Variants in SUPT3H observed in about 807,000 individuals in gnomAD.
SUPT3H encodes transcription initiation protein SPT3 homolog.
In SUPT3H, 44 loss-of-function variants were observed where a neutral mutation model predicts 44.3. The ratio of observed to expected loss-of-function variants is 0.99; its 90% CI spans 0.78 to 1.28. SUPT3H has a LOEUF of 1.28. Among genes scored for constraint, SUPT3H ranks in the 50% most tolerant of loss-of-function variants. The pLI is 0.00. For synonymous variants in SUPT3H, 124 were observed against 125.6 expected, an observed-to-expected ratio of 0.99 and a Z score of 0.09; for missense variants, 380 against 387.1, an observed-to-expected ratio of 0.98 and a Z score of 0.15.
intron 10 of SUPT3H, among the ~76,000 whole-genome samples, chr6:44,900,219 C>T (rs1473112929): frequency 6.6e-6 from 1 of 152,208 alleles, no homozygotes; most frequent in Non-Finnish European, 1.5e-5. Flanking sequence ...TGAAGTAGGG[C>T]AAGGCATTGC....
intron 6 of SUPT3H, among the ~76,000 whole-genome samples, chr6:44,962,107 C>T (rs1478876408): frequency 6.6e-6 from 1 of 152,092 alleles, no homozygotes; most frequent in Non-Finnish European, 1.5e-5. Context: ...TTGTATCATC[C>T]TTTTAAAGAA....
chr6:45,297,017 A>G (rs1437804101), intron 2 of SUPT3H, among the ~76,000 whole-genome samples: 1 of 151,508 alleles, frequency 6.6e-6, no homozygotes, highest in Admixed American at 6.6e-5. Context: ...AATCACCACT[A>G]AAGAACTTAT....
intron 10 of SUPT3H, among the ~76,000 whole-genome samples, chr6:44,895,838 C>G (rs144351457): frequency 3.3e-5 from 5 of 152,082 alleles, no homozygotes; most frequent in African/African-American, 1.2e-4. Flanking sequence ...GAAGTTCATT[C>G]TCTTTATCCA....
chr6:45,035,798 C>T (rs1457502337), intron 3 of SUPT3H, among the ~76,000 whole-genome samples: 1 of 150,664 alleles, frequency 6.6e-6, no homozygotes, highest in Admixed American at 6.6e-5. Flanking sequence ...ACACTTGAGT[C>T]TAGTATATTA....
chr6:45,017,137 T>C (rs372824951), intron 4 of SUPT3H, among the ~76,000 whole-genome samples: 2,173 of 152,122 alleles, frequency 0.014, 27 homozygotes, highest in Non-Finnish European at 0.022. Context: ...GCTGCATAAA[T>C]GTCTTCTTTT....
At chr6:44,992,819 C>T (rs1780773169) in intron 6 of SUPT3H, among the ~76,000 whole-genome samples, 1 of 152,044 alleles carries the variant, frequency 6.6e-6, no homozygotes, top group African/African-American at 2.4e-5. Context: ...AATTTCTCTA[C>T]AGCAAAGCAA....
intron 3 of SUPT3H, among the ~76,000 whole-genome samples, chr6:45,031,109 C>T (rs1436754708): frequency 6.6e-6 from 1 of 152,122 alleles, no homozygotes; most frequent in Admixed American, 6.6e-5. Flanking sequence ...AGTGAGGTAA[C>T]ATCATGCAGC....
At chr6:45,204,250 A>AAAGAGGAAGAAG (rs1762861900) in intron 2 of SUPT3H, among the ~76,000 whole-genome samples, 3 of 143,052 alleles carry the variant, frequency 2.1e-5, no homozygotes, top group Non-Finnish European at 4.5e-5. Flanking sequence ...CCGTCTCAAA[A>AAAGAGGAAGAAG]AAGAAGAAGA....
chr6:45,371,394 C>CTTT (rs560509544), intron 1 of SUPT3H, among the ~76,000 whole-genome samples: 48 of 138,890 alleles, frequency 3.5e-4, no homozygotes, highest in African/African-American at 9.5e-4. Flanking sequence ...TATTAGCTCA[C>CTTT]TTTTTTTTTT....
At chr6:45,061,727 A>AC (rs1792073759) in intron 3 of SUPT3H, among the ~76,000 whole-genome samples, 4 of 8,666 alleles carry the variant, frequency 4.6e-4, no homozygotes, top group Non-Finnish European at 6.4e-4. Flanking sequence ...TCTAAAATCC[A>AC]TTATGACTAT....
intron 2 of SUPT3H, among the ~76,000 whole-genome samples, chr6:45,158,405 G>A (rs1489762373): frequency 1.4e-5 from 2 of 145,018 alleles, no homozygotes; most frequent in Non-Finnish European, 3.0e-5. Context: ...TGTTCAACTT[G>A]ATAAACTGTA....
chr6:45,136,060 A>G (rs768749564), intron 2 of SUPT3H, among the ~76,000 whole-genome samples: 19 of 152,212 alleles, frequency 1.2e-4, no homozygotes, highest in Non-Finnish European at 2.2e-4. Context: ...ATCCAATGGA[A>G]AATAAGAGCC....
intron 3 of SUPT3H, among the ~76,000 whole-genome samples, chr6:45,063,790 C>G (rs1792678752): frequency 1.4e-5 from 2 of 141,942 alleles, no homozygotes. Flanking sequence ...GCAAAGCCTC[C>G]AAGAAATATG....
chr6:44,977,526 T>C (rs747778465), intron 6 of SUPT3H, among the ~76,000 whole-genome samples: 2 of 152,186 alleles, frequency 1.3e-5, no homozygotes, highest in Admixed American at 6.5e-5. Context: ...AGAGAGTTCC[T>C]GTATACTCTT....
intron 2 of SUPT3H, among the ~76,000 whole-genome samples, chr6:45,182,711 G>C (rs892694031): frequency 1.3e-5 from 2 of 152,200 alleles, no homozygotes; most frequent in Non-Finnish European, 2.9e-5. Context: ...ATGGAAGGCT[G>C]TATTTCTTTT....
intron 2 of SUPT3H, among the ~76,000 whole-genome samples, chr6:45,182,218 T>C (rs1468690903): frequency 6.6e-6 from 1 of 152,164 alleles, no homozygotes; most frequent in African/African-American, 2.4e-5. Context: ...CCATAGAGCT[T>C]ATAGAGAAAT....
chr6:45,216,884 A>T (rs1220817385), intron 2 of SUPT3H, among the ~76,000 whole-genome samples: 1 of 152,198 alleles, frequency 6.6e-6, no homozygotes, highest in Non-Finnish European at 1.5e-5. Context: ...GAAATAAGAT[A>T]GGCAAAGAAA....
At chr6:44,825,084 A>G (rs553377333), downstream of SUPT3H, among the ~76,000 whole-genome samples, 5 of 152,240 alleles carry the variant, frequency 3.3e-5, no homozygotes, top group Non-Finnish European at 7.3e-5. Context: ...GTAGCCTGTA[A>G]ACAGAGCCTT....
chr6:45,110,746 C>G (rs1204902108), intron 2 of SUPT3H, among the ~76,000 whole-genome samples: 1 of 152,080 alleles, frequency 6.6e-6, no homozygotes, highest in African/African-American at 2.4e-5. Context: ...AAATCTTTTG[C>G]TAACCTCTGG....
Sources: allele counts gnomAD v4.1 joint callset (sites outside exome capture counted in the v4.1 genomes callset), GRCh38; gene constraint gnomAD v4.1.1; transcripts MANE v1.5; gene names NCBI Gene and HGNC (gene_info 2026-07-23, HGNC 2026-07-21).